Variants in NIBAN2 observed in about 807,000 individuals in gnomAD.
NIBAN2 encodes niban apoptosis regulator 2.
Under a neutral mutation model 81.8 loss-of-function variants are expected in NIBAN2, and 36 were observed. That is an observed-to-expected ratio of 0.44 (90% CI 0.34 to 0.58). The LOEUF is 0.58. Among genes scored for constraint, NIBAN2 ranks in the 20% least tolerant of loss-of-function variants. The pLI, the probability that NIBAN2 is intolerant of heterozygous loss-of-function variation, is 0.02. For synonymous variants in NIBAN2, 445 were observed against 441.6 expected, an observed-to-expected ratio of 1.01 and a Z score of -0.10; for missense variants, 897 against 1,014.1, an observed-to-expected ratio of 0.88 and a Z score of 1.57.
chr9:127,548,256 T>C (rs2000272), intron 1 of NIBAN2, among the ~76,000 whole-genome samples: 55,951 of 152,052 alleles, frequency 0.37, 12,006 homozygotes, highest in African/African-American at 0.59. Flanking sequence ...GAAACATCAA[T>C]GAAGACTTCT....
At chr9:127,569,074 G>T, upstream of NIBAN2, 1 of 1,053,906 alleles carries the variant, frequency 9.5e-7, no homozygotes, top group Non-Finnish European at 1.1e-6. Context: ...CGGCCGCCTT[G>T]GCCCCCTCCC....
chr9:127,560,349 C>T (rs1245890424), intron 1 of NIBAN2, among the ~76,000 whole-genome samples: 1 of 152,104 alleles, frequency 6.6e-6, no homozygotes, highest in Non-Finnish European at 1.5e-5. Context: ...TGCACCCGAC[C>T]CCCACACACG....
Position 127,507,726 on chromosome 9 carries a change from G to A in NIBAN2, c.1654+141C>T, listed in dbSNP as rs1039471266. The stretch of plus-strand genomic sequence containing the variant: ...AAGGCTGCTCCGGAGGCCACACAGC[G>A]AAGAGTGGGCTTCACCCAGACCCCA... On this transcript the variant is annotated intron_variant, in intron 13 of 13. Coordinates refer to ENST00000373312, the MANE Select transcript of NIBAN2 (RefSeq NM_022833.4). This position sits in a 1 kb window ranked among gnomAD's most constrained non-coding sequence, Gnocchi z 6.8. The A allele has an allele frequency of 8.2e-5, 64 of 784,406 alleles. 1 individual carries two copies. Among genetic ancestry groups the A allele is most frequent in the East Asian group, 4.5e-4 (18 of 40,212 alleles). The allele number at this position is 784,406 out of a possible 1,614,324, so 48.6% of individuals were successfully genotyped here. A position where few individuals can be genotyped will look rare whatever the true frequency, so the allele number is the denominator to read the frequency against.
At chr9:127,518,050 C>G (rs1836868101) in intron 5 of NIBAN2, 109 bp from the exon 6 acceptor site, 2 of 641,422 alleles carry the variant, frequency 3.1e-6, no homozygotes, top group Non-Finnish European at 5.4e-6. Flanking sequence ...GCATGCACCT[C>G]AGGAGGGGCA....
intron 9 of NIBAN2, among the ~76,000 whole-genome samples, chr9:127,509,410 G>C (rs2132151981): frequency 6.6e-6 from 1 of 152,200 alleles, no homozygotes; most frequent in South Asian, 2.1e-4. Flanking sequence ...GAGGTGCTGG[G>C]TGACCTTGGG....
chr9:127,572,267 G>A (rs1837958554), upstream of NIBAN2, among the ~76,000 whole-genome samples: 1 of 152,102 alleles, frequency 6.6e-6, no homozygotes, highest in African/African-American at 2.4e-5. Context: ...TCCCGCCTAA[G>A]CCTCCCAGAG....
rs140317797 is a variant in NIBAN2 at position 127,523,734 on chromosome 9, G to A, written c.534C>T (p.Ala178=). Residue 178 remains alanine (A), a synonymous_variant, in exon 5 of 14, where the codon GCC becomes GCT. Coordinates refer to ENST00000373312, the MANE Select transcript of NIBAN2 (RefSeq NM_022833.4). ...GCACAGCCTGCCACTTGTCCTGCTC[G>A]GCTTCTGTCATCATGCAGAAGTAGT... ...RHYYFCMMTE[A]EQDKWQAVLQ... The A allele has an allele frequency of 2.5e-5, 40 of 1,613,882 alleles. No individual in the cohort carries two copies. The East Asian group carries it at 3.3e-4, about 13-fold the overall frequency.
chr9:127,574,436 T>TGCTTTTAGGCCTACTATGGGTG, intron 1 of NIBAN2, among the ~76,000 whole-genome samples: 1 of 152,080 alleles, frequency 6.6e-6, no homozygotes, highest in African/African-American at 2.4e-5. Context: ...AATATTTGGC[T>TGCTTTTAGGCCTACTATGGGTG]TTAAAAGGGA....
chr9:127,527,340 TG>T lies in NIBAN2; in HGVS notation c.187-19del. 1 of 1,591,446 alleles carries T rather than the reference TG, an allele frequency of 6.3e-7. No homozygotes were observed. ...AGTGGCACCTGTGGGCAGGAGCGGG[TG>T]GGGAGTGAGGCCCAGGTCTGGGGGG... On this transcript the variant is annotated intron_variant, in intron 2 of 13. Coordinates refer to ENST00000373312, the MANE Select transcript of NIBAN2 (RefSeq NM_022833.4).
rs532547692 is a variant in NIBAN2, at chr9:127,565,892, G to A, written c.55+2928C>T. Among the ~76,000 whole-genome samples, 66 of 151,534 alleles carry A rather than the reference G, an allele frequency of 4.4e-4. 1 individual carries two copies. Among genetic ancestry groups the A allele is most frequent in the African/African-American group, 1.6e-3 (65 of 41,258 alleles). ...CCAAAGGAGGATTGGTTGAGCCCAG[G>A]AGTTCAAGACCAACCTGGGCAACAT... is the stretch of plus-strand genomic sequence containing the variant. On this transcript the variant is annotated intron_variant, in intron 1 of 13. Coordinates refer to ENST00000373312, the MANE Select transcript of NIBAN2 (RefSeq NM_022833.4).
rs1312698177 is a variant in NIBAN2, at chr9:127,536,639, G to A, written c.56-4861C>T. Among the ~76,000 whole-genome samples, 2 of 152,226 alleles carry A rather than the reference G, an allele frequency of 1.3e-5. No homozygotes were observed. Among genetic ancestry groups the A allele is most frequent in the African/African-American group, 4.8e-5 (2 of 41,468 alleles). ...AGCCTCTGGAGACACCACACGCCAC[G>A]GATTTGGGGCAGATGTTGGACAGGG... is the stretch of plus-strand genomic sequence containing the variant. On this transcript the variant is annotated intron_variant, in intron 1 of 13. Transcript: ENST00000373312. The surrounding 1 kb of genome is among the most constrained non-coding windows in gnomAD (Gnocchi z 4.0).
chr9:127,565,479 G>A (rs948522485), intron 1 of NIBAN2, among the ~76,000 whole-genome samples: 1 of 152,070 alleles, frequency 6.6e-6, no homozygotes, highest in East Asian at 1.9e-4. Context: ...TGTATGGTAG[G>A]TGAATTACGC....
intron 1 of NIBAN2, among the ~76,000 whole-genome samples, chr9:127,552,630 G>C (rs1837596524): frequency 6.6e-6 from 1 of 151,748 alleles, no homozygotes; most frequent in African/African-American, 2.4e-5. Context: ...CCTGGCAATA[G>C]GGCTTTGACT....
rs540149997 is a variant in NIBAN2 at position 127,510,161 on chromosome 9, A to C, written c.1146T>G (p.Ile382Met). 6.2e-7 allele frequency: 1 copy of C among 1,611,790 alleles called. No homozygotes were observed. Among genetic ancestry groups the C allele is most frequent in the Non-Finnish European group, 8.5e-7 (1 of 1,178,410 alleles). The change falls in exon 9 of 14, where the codon ATT becomes ATG. Residue 382 changes from isoleucine to methionine, a missense_variant. Ile to Met is a conservative substitution (Grantham distance 10). Coordinates refer to ENST00000373312, the MANE Select transcript of NIBAN2 (RefSeq NM_022833.4). ...MNLNVINEGG[I>M]DKLGEYMEKL... ...CCGGCCTCACCTCGCCCAGCTTGTC[A>C]ATGCCGCCCTCGTTGATGACGTTCA...
chr9:127,514,683 A>G (rs1836793014), intron 8 of NIBAN2, among the ~76,000 whole-genome samples: 1 of 152,226 alleles, frequency 6.6e-6, no homozygotes, highest in Admixed American at 6.5e-5. Flanking sequence ...ATAATTATGT[A>G]AAAGCCTTCT....
intron 8 of NIBAN2, 85 bp from the exon 9 acceptor site, chr9:127,510,418 G>C (rs1218650560): frequency 1.4e-5 from 13 of 903,116 alleles, no homozygotes; most frequent in Non-Finnish European, 2.1e-5. Flanking sequence ...GGAGGCTACT[G>C]TATTACTATT....
chr9:127,522,664 G>C (rs1836966084), intron 5 of NIBAN2, among the ~76,000 whole-genome samples: 1 of 151,838 alleles, frequency 6.6e-6, no homozygotes, highest in Non-Finnish European at 1.5e-5. Context: ...TACCACCTGT[G>C]GGTCTCCCTT....
At chr9:127,550,967 G>A (rs889516822) in intron 1 of NIBAN2, among the ~76,000 whole-genome samples, 5 of 152,170 alleles carry the variant, frequency 3.3e-5, no homozygotes, top group Admixed American at 1.3e-4. Flanking sequence ...GTGCTGGGCC[G>A]GTGAAAGGCC....
chr9:127,540,349 C>T (rs902794362), intron 1 of NIBAN2, among the ~76,000 whole-genome samples: 1 of 152,098 alleles, frequency 6.6e-6, no homozygotes, highest in African/African-American at 2.4e-5. Context: ...AGGAGGCTTG[C>T]TGAGCTGAGA....
Sources: gnomAD v4.1 joint callset for allele counts (sites outside exome capture counted in the v4.1 genomes callset) on GRCh38, gnomAD v4.1.1 for gene constraint, Gnocchi (gnomAD v3.1) non-coding constraint, MANE v1.5 for transcripts, NCBI Gene and HGNC (gene_info 2026-07-23, HGNC 2026-07-21) for gene names.